The following GTF2IRD1 variants were observed in gnomAD, a reference collection of about 807,000 sequenced individuals.
GTF2IRD1 encodes GTF2I repeat domain containing 1, also known as general transcription factor II-I repeat domain-containing protein 1.
Under a neutral mutation model 113.2 loss-of-function variants are expected in GTF2IRD1, and 26 were observed. That is an observed-to-expected ratio of 0.23 (90% CI 0.17 to 0.32). GTF2IRD1 has a LOEUF of 0.32. Among genes scored for constraint, GTF2IRD1 ranks in the 10% least tolerant of loss-of-function variants. GTF2IRD1 has a pLI of 1.00. For missense variants in GTF2IRD1, 864 were observed against 1,280.8 expected (o/e 0.67, Z 4.97); for synonymous variants, 484 against 529.1 (o/e 0.91, Z 1.17).
intron 1 of GTF2IRD1, among the ~76,000 whole-genome samples, chr7:74,471,003 C>T (rs2117004783): frequency 6.6e-6 from 1 of 152,256 alleles, no homozygotes; most frequent in African/African-American, 2.4e-5. Flanking sequence ...TGGGATTTCG[C>T]CATGCTGGCC....
intron 1 of GTF2IRD1, among the ~76,000 whole-genome samples, chr7:74,480,786 G>C (rs1367345639): frequency 6.6e-6 from 1 of 152,224 alleles, no homozygotes; most frequent in Non-Finnish European, 1.5e-5. Context: ...GGACGGGAGA[G>C]AAATGGAGAA....
intron 10 of GTF2IRD1, among the ~76,000 whole-genome samples, chr7:74,535,378 C>T (rs587627130): frequency 2.6e-5 from 4 of 152,180 alleles, no homozygotes; most frequent in African/African-American, 4.8e-5. Flanking sequence ...TAAAGCTGGA[C>T]GCTAACCGGT....
intron 1 of GTF2IRD1, among the ~76,000 whole-genome samples, chr7:74,484,765 C>A (rs1438104522): frequency 3.3e-5 from 5 of 152,114 alleles, no homozygotes; most frequent in African/African-American, 7.2e-5. Context: ...GCCTGTCTTT[C>A]CTTTTTAAGG....
At chr7:74,466,328 A>T (rs782605226) in intron 1 of GTF2IRD1, among the ~76,000 whole-genome samples, 7 of 152,108 alleles carry the variant, frequency 4.6e-5, no homozygotes, top group Non-Finnish European at 7.4e-5. Context: ...ATTTGGACAG[A>T]AGCGTAGGGC....
intron 17 of GTF2IRD1, among the ~76,000 whole-genome samples, chr7:74,550,318 AG>A (rs1799230485): frequency 6.6e-6 from 1 of 152,208 alleles, no homozygotes; most frequent in African/African-American, 2.4e-5. Context: ...GTGTAATTAT[AG>A]TACAGTAATT....
At chr7:74,577,386 TCA>T (rs1801138990) in intron 22 of GTF2IRD1, among the ~76,000 whole-genome samples, 1 of 152,088 alleles carries the variant, frequency 6.6e-6, no homozygotes, top group Non-Finnish European at 1.5e-5. Flanking sequence ...GCTTTCTCTC[TCA>T]CACACACGCG....
At chr7:74,520,319 A>G (rs1554345672) in intron 6 of GTF2IRD1, among the ~76,000 whole-genome samples, 1 of 151,878 alleles carries the variant, frequency 6.6e-6, no homozygotes, top group East Asian at 1.9e-4. Context: ...GACAAAAGGA[A>G]CAACTGCAGG....
intron 22 of GTF2IRD1, among the ~76,000 whole-genome samples, chr7:74,581,379 C>T (rs1307774035): frequency 2.0e-5 from 3 of 152,202 alleles, no homozygotes; most frequent in Non-Finnish European, 2.9e-5. Context: ...CCCAGGGTCG[C>T]GAGCTGATTG....
At chr7:74,528,087 A>T (rs1324774638) in intron 8 of GTF2IRD1, among the ~76,000 whole-genome samples, 1 of 152,214 alleles carries the variant, frequency 6.6e-6, no homozygotes, top group East Asian at 1.9e-4. Flanking sequence ...CACCTGTGCA[A>T]CTACTCGCCT....
intron 1 of GTF2IRD1, among the ~76,000 whole-genome samples, chr7:74,478,483 T>A (rs141359186): frequency 0.025 from 3,829 of 152,188 alleles, 169 homozygotes; most frequent in African/African-American, 0.086. Flanking sequence ...AGAGACAGGG[T>A]CTTGCTCTGT....
intron 10 of GTF2IRD1, among the ~76,000 whole-genome samples, chr7:74,535,501 C>A (rs1330306832): frequency 1.3e-5 from 2 of 152,238 alleles, no homozygotes; most frequent in African/African-American, 4.8e-5. Flanking sequence ...ACTACTCTCA[C>A]GTGCAGACAG....
intron 22 of GTF2IRD1, among the ~76,000 whole-genome samples, chr7:74,582,914 T>C (rs1225662946): frequency 3.3e-5 from 5 of 151,782 alleles, no homozygotes; most frequent in Admixed American, 2.6e-4. Context: ...CTGGGTGTGG[T>C]AGCCCACACC....
At chr7:74,468,469 C>A (rs1251680218) in intron 1 of GTF2IRD1, among the ~76,000 whole-genome samples, 1 of 151,472 alleles carries the variant, frequency 6.6e-6, no homozygotes, top group Non-Finnish European at 1.5e-5. Flanking sequence ...ACCAGCCTGG[C>A]CAACATGGTG....
chr7:74,585,651 G>A (rs1374904562), intron 22 of GTF2IRD1, among the ~76,000 whole-genome samples: 3 of 152,006 alleles, frequency 2.0e-5, no homozygotes, highest in Non-Finnish European at 4.4e-5. Flanking sequence ...GGAGGCCGAG[G>A]TGGGCGAATC....
At chr7:74,464,908 C>T (rs533888201) in intron 1 of GTF2IRD1, among the ~76,000 whole-genome samples, 1 of 152,256 alleles carries the variant, frequency 6.6e-6, no homozygotes, top group African/African-American at 2.4e-5. Flanking sequence ...CTGGGGCCAG[C>T]ACTCGGTGGG....
At chr7:74,559,150 A>G (rs1799795777) in intron 21 of GTF2IRD1, 106 bp downstream of exon 21, 1 of 1,060,676 alleles carries the variant, frequency 9.4e-7, no homozygotes. Flanking sequence ...CCCCCTGGAC[A>G]AGGTGGCTCT....
chr7:74,546,976 C>T, intron 16 of GTF2IRD1, 127 bp from the exon 17 acceptor site: 2 of 809,882 alleles, frequency 2.5e-6, no homozygotes, highest in Non-Finnish European at 2.0e-6. Flanking sequence ...TTCCACATCC[C>T]AGGAAAGCTG....
chr7:74,463,342 T>G (rs780676137), intron 1 of GTF2IRD1, among the ~76,000 whole-genome samples: 1 of 152,004 alleles, frequency 6.6e-6, no homozygotes, highest in Non-Finnish European at 1.5e-5. Context: ...CTCAAGTGAT[T>G]CTCCCACTTC....
At chr7:74,476,321 G>C (rs1293699614) in intron 1 of GTF2IRD1, among the ~76,000 whole-genome samples, 1 of 150,622 alleles carries the variant, frequency 6.6e-6, no homozygotes, top group Non-Finnish European at 1.5e-5. Flanking sequence ...AGTTCCTGGT[G>C]GATGTCTGCC....
Sources: gnomAD v4.1 joint callset for allele counts (sites outside exome capture counted in the v4.1 genomes callset) on GRCh38, gnomAD v4.1.1 for gene constraint, MANE v1.5 for transcripts, NCBI Gene and HGNC (gene_info 2026-07-23, HGNC 2026-07-21) for gene names.